Variants in HIVEP3 observed in about 807,000 individuals in gnomAD.
The protein encoded by HIVEP3 is transcription factor HIVEP3.
HIVEP3 carries 49 observed loss-of-function variants against 152.8 expected under a neutral mutation model. That is an observed-to-expected ratio of 0.32 (90% CI 0.26 to 0.41). The LOEUF (loss-of-function observed/expected upper bound fraction) is 0.41, where lower values mean the gene tolerates loss of function less well. HIVEP3 is among the 10% of genes least tolerant of loss of function. The probability of loss-of-function intolerance (pLI) is 1.00; values close to 1 mark genes in which losing one functional copy is unlikely to be tolerated. For synonymous variants in HIVEP3, 1,269 were observed against 1,289.0 expected (o/e 0.98, Z 0.33); for missense variants, 2,790 against 3,103.3 (o/e 0.90, Z 2.40).
At chr1:41,785,753 T>A (rs928892352) in intron 1 of HIVEP3, among the ~76,000 whole-genome samples, 1 of 152,222 alleles carries the variant, frequency 6.6e-6, no homozygotes, top group African/African-American at 2.4e-5. Flanking sequence ...TCCCAGCACT[T>A]TGGGAGACCA....
intron 5 of HIVEP3, among the ~76,000 whole-genome samples, chr1:41,562,631 C>CTT (rs1558063149): frequency 1.1e-4 from 9 of 85,452 alleles, no homozygotes; most frequent in African/African-American, 1.9e-4. Flanking sequence ...CTCTCTCTCT[C>CTT]TCCCTCTCTC....
intron 1 of HIVEP3, among the ~76,000 whole-genome samples, chr1:41,737,248 A>G (rs1646931898): frequency 1.3e-5 from 2 of 152,192 alleles, no homozygotes; most frequent in Admixed American, 6.5e-5. Flanking sequence ...AACTGGGATG[A>G]ATAGTACTAC....
At chr1:41,881,781 A>T (rs546355706) in intron 1 of HIVEP3, among the ~76,000 whole-genome samples, 7 of 152,346 alleles carry the variant, frequency 4.6e-5, no homozygotes, top group Admixed American at 2.0e-4. Context: ...AAATCTTTTT[A>T]AAAATGTGTT....
At chr1:41,587,133 T>G (rs1424832934) in intron 3 of HIVEP3, among the ~76,000 whole-genome samples, 3 of 152,180 alleles carry the variant, frequency 2.0e-5, no homozygotes, top group Non-Finnish European at 4.4e-5. Context: ...AACTTTTTCA[T>G]GTAGCACTTC....
At chr1:41,764,787 C>G (rs1647907131) in intron 1 of HIVEP3, among the ~76,000 whole-genome samples, 1 of 152,176 alleles carries the variant, frequency 6.6e-6, no homozygotes, top group African/African-American at 2.4e-5. Context: ...AACTACCACA[C>G]AAAGAAGTTT....
intron 2 of HIVEP3, among the ~76,000 whole-genome samples, chr1:41,672,405 G>A (rs1455879359): frequency 2.0e-5 from 3 of 152,062 alleles, no homozygotes; most frequent in Non-Finnish European, 4.4e-5. Flanking sequence ...TTGCTTCTCC[G>A]GCCTCAGCTT....
intron 2 of HIVEP3, among the ~76,000 whole-genome samples, chr1:41,637,333 A>C (rs1429806131): frequency 6.6e-6 from 1 of 152,262 alleles, no homozygotes; most frequent in Non-Finnish European, 1.5e-5. Context: ...AACTTTTCTT[A>C]AAGATAAACA....
At chr1:42,028,695 G>A (rs1039594306) in intron 1 of HIVEP3, among the ~76,000 whole-genome samples, 1 of 152,184 alleles carries the variant, frequency 6.6e-6, no homozygotes, top group Admixed American at 6.5e-5. Flanking sequence ...CTACAAAGAG[G>A]AAATAAATGC....
intron 1 of HIVEP3, among the ~76,000 whole-genome samples, chr1:41,713,199 G>A (rs1475766206): frequency 6.6e-6 from 1 of 152,042 alleles, no homozygotes; most frequent in Non-Finnish European, 1.5e-5. Context: ...TCCCACCCCC[G>A]ATCTGCGCCC....
intron 1 of HIVEP3, among the ~76,000 whole-genome samples, chr1:41,904,645 CTTCA>C (rs34018030): frequency 0.35 from 53,323 of 151,786 alleles, 9,979 homozygotes; most frequent in Non-Finnish European, 0.43. Flanking sequence ...GTACTTGAAA[CTTCA>C]TTCATTGTAC....
chr1:41,725,253 A>T (rs1410162065), intron 1 of HIVEP3, among the ~76,000 whole-genome samples: 2 of 152,208 alleles, frequency 1.3e-5, no homozygotes, highest in African/African-American at 2.4e-5. Context: ...GCAGACATGC[A>T]GCTGGGCCCC....
At chr1:41,700,172 C>T (rs1249293494) in intron 2 of HIVEP3, among the ~76,000 whole-genome samples, 1 of 152,180 alleles carries the variant, frequency 6.6e-6, no homozygotes, top group Non-Finnish European at 1.5e-5. Flanking sequence ...GCTATTTGCA[C>T]ATCGATCTCC....
intron 5 of HIVEP3, among the ~76,000 whole-genome samples, chr1:41,528,728 ATCCT>A (rs2149059281): frequency 1.1e-5 from 1 of 89,534 alleles, no homozygotes. Context: ...CCTCACACTC[ATCCT>A]CACACACCCT....
intron 1 of HIVEP3, among the ~76,000 whole-genome samples, chr1:41,975,344 G>A (rs1645253501): frequency 6.6e-6 from 1 of 152,158 alleles, no homozygotes; most frequent in Non-Finnish European, 1.5e-5. Flanking sequence ...CTGACCTGAG[G>A]CTAGTGGATA....
intron 1 of HIVEP3, among the ~76,000 whole-genome samples, chr1:41,771,908 G>A (rs767573209): frequency 5.9e-5 from 9 of 152,168 alleles, no homozygotes; most frequent in Non-Finnish European, 1.0e-4. Context: ...CTCGTGATCC[G>A]CCCGCCTTGG....
At chr1:42,006,195 A>G (rs76807497) in intron 1 of HIVEP3, among the ~76,000 whole-genome samples, 165 of 152,170 alleles carry the variant, frequency 1.1e-3, no homozygotes, top group African/African-American at 3.7e-3. Context: ...TAAAAACTAC[A>G]GGTGTGTCTT....
chr1:41,986,720 G>A (rs915673615), intron 1 of HIVEP3, among the ~76,000 whole-genome samples: 27 of 152,294 alleles, frequency 1.8e-4, no homozygotes, highest in Admixed American at 1.5e-3. Context: ...GATTACAGGC[G>A]TGAGCCACCG....
At chr1:41,762,124 C>T (rs891285955) in intron 1 of HIVEP3, among the ~76,000 whole-genome samples, 4 of 152,188 alleles carry the variant, frequency 2.6e-5, no homozygotes, top group Non-Finnish European at 5.9e-5. Flanking sequence ...ACAAACCAAT[C>T]AGCATGCACT....
chr1:41,753,955 CA>C (rs1647213149), intron 1 of HIVEP3, among the ~76,000 whole-genome samples: 1 of 152,070 alleles, frequency 6.6e-6, no homozygotes, highest in African/African-American at 2.4e-5. Context: ...GAGGAGAAGG[CA>C]GCAAAGGCAA....
Sources: gnomAD v4.1 joint callset for allele counts (sites outside exome capture counted in the v4.1 genomes callset) on GRCh38, gnomAD v4.1.1 for gene constraint, MANE v1.5 for transcripts, NCBI Gene and HGNC (gene_info 2026-07-23, HGNC 2026-07-21) for gene names.